Variants in RICTOR observed in about 807,000 individuals in gnomAD.
RICTOR encodes rapamycin-insensitive companion of mTOR.
Under a neutral mutation model 214.9 loss-of-function variants are expected in RICTOR, and 49 were observed. The observed-to-expected ratio is 0.23, with a 90% CI of 0.18 to 0.29. RICTOR has a LOEUF of 0.29. Ranked by LOEUF, RICTOR falls within the 10% of genes least tolerant of loss-of-function variation. RICTOR has a pLI of 1.00. For synonymous variants in RICTOR, 717 were observed against 711.3 expected, an observed-to-expected ratio of 1.01 and a Z score of -0.13; for missense variants, 1,625 against 2,047.0, an observed-to-expected ratio of 0.79 and a Z score of 3.98.
In RICTOR at chr5:38,941,291, A is replaced by G. The variant is rs1747543086; in HGVS notation, c.*1013T>C. 2 of 231,890 alleles carry G rather than the reference A, an allele frequency of 8.6e-6. No individual in the cohort carries two copies. The highest frequency in any genetic ancestry group is 1.1e-4 in the Admixed American group (2 of 17,670). The allele number at this position is 231,890 out of a possible 1,614,324, so 14.4% of individuals were successfully genotyped here. On this transcript the variant is annotated 3_prime_UTR_variant, in exon 38 of 38. Coordinates refer to ENST00000357387, the MANE Select transcript of RICTOR (RefSeq NM_152756.5). ...TAAAATTTGGTACTTAAGGCTTTTCACTACAATTTTTCTCAATAACAAGCT... is the reference window on the plus strand; with the variant it reads ...TAAAATTTGGTACTTAAGGCTTTTCGCTACAATTTTTCTCAATAACAAGCT...
rs529002979 is a variant in RICTOR at position 38,971,642 on chromosome 5, A to G, written c.972+235T>C. On this transcript the variant is annotated intron_variant, in intron 11 of 37. Transcript: ENST00000357387. ...GTGATCCACCCACTTCGGCCTCCCA[A>G]AGTTCTGGGATTACACGCATGAGCC... 2.2e-3 allele frequency: 626 copies of G among 281,624 alleles called. 5 individuals carry two copies. Among genetic ancestry groups the G allele is most frequent in the African/African-American group, 0.013 (579 of 44,606 alleles). 17.4% of individuals were successfully genotyped at this position (281,624 alleles called of 1,614,324 possible).
At chr5:38,961,021 T>C (rs548048110) in intron 19 of RICTOR, among the ~76,000 whole-genome samples, 1 of 152,212 alleles carries the variant, frequency 6.6e-6, no homozygotes, top group South Asian at 2.1e-4. Context: ...TTCTATATTA[T>C]CTGTAGAGGC....
intron 9 of RICTOR, among the ~76,000 whole-genome samples, chr5:38,977,885 G>A (rs1488429633): frequency 6.6e-6 from 1 of 151,790 alleles, no homozygotes; most frequent in Non-Finnish European, 1.5e-5. Context: ...TTTTAACTCA[G>A]GGGAAAAATG....
rs1403377177 is a variant in RICTOR, at chr5:39,018,083, T to G, written c.195+2956A>C. Among the ~76,000 whole-genome samples the G allele has an allele frequency of 4.6e-5, 7 of 152,240 alleles. No individual in the cohort carries two copies. In the East Asian group the frequency reaches 1.4e-3, roughly 29 times the overall value. ...AACGTTATCCCAAAGACCCATTCTGTTTTCTATTTTAGGGTATCTCCTAAA... is the reference window on the plus strand; with the variant it reads ...AACGTTATCCCAAAGACCCATTCTGGTTTCTATTTTAGGGTATCTCCTAAA... On this transcript the variant is annotated intron_variant, in intron 3 of 37. Transcript: ENST00000357387.
rs1054510971 is a variant in RICTOR, at chr5:38,958,362, T to C, written c.2420+81A>G. 12 of 867,912 alleles carry C rather than the reference T, an allele frequency of 1.4e-5. No homozygotes were observed. In the East Asian group the frequency reaches 1.5e-4, roughly 11 times the overall value. 53.8% of individuals were successfully genotyped at this position (867,912 alleles called of 1,614,324 possible). Reference sequence around the variant, plus strand: ...GGTAAACTCTTCAGCGTACTTCCCATTTGGATTTGAATCTATCTTTAATAT... The same window carrying C: ...GGTAAACTCTTCAGCGTACTTCCCACTTGGATTTGAATCTATCTTTAATAT... On this transcript the variant is annotated intron_variant, in intron 24 of 37. Coordinates refer to ENST00000357387, the MANE Select transcript of RICTOR (RefSeq NM_152756.5).
chr5:38,952,467 C>G, intron 29 of RICTOR, 42 bp from the exon 30 acceptor site: 1 of 1,335,938 alleles, frequency 7.5e-7, no homozygotes, highest in Non-Finnish European at 1.1e-6. Flanking sequence ...TAATTCCAAG[C>G]TGAGATTTCT....
Position 38,966,802 on chromosome 5 carries a change from T to A in RICTOR, c.1219-81A>T, listed in dbSNP as rs571508799. The A allele has an allele frequency of 9.6e-4, 342 of 356,228 alleles. 2 individuals are homozygous for A. The African/African-American group carries it at 0.031, about 32-fold the overall frequency. The allele number at this position is 356,228 out of a possible 1,614,324, so 22.1% of individuals were successfully genotyped here. ...TATGCATCAGATTTATTTTTCAAAA[T>A]TTTTTTTTTTTTTTTAAGACAAGAG... On this transcript the variant is annotated intron_variant, in intron 14 of 37. Coordinates refer to ENST00000357387, the MANE Select transcript of RICTOR (RefSeq NM_152756.5).
chr5:39,066,599 T>C (rs567412656), intron 2 of RICTOR, among the ~76,000 whole-genome samples: 1 of 152,362 alleles, frequency 6.6e-6, no homozygotes, highest in African/African-American at 2.4e-5. Flanking sequence ...TTCCCAAACC[T>C]TTATGCAGTG....
chr5:39,056,510 C>T (rs1206409784), intron 2 of RICTOR, among the ~76,000 whole-genome samples: 1 of 152,002 alleles, frequency 6.6e-6, no homozygotes, highest in Non-Finnish European at 1.5e-5. Flanking sequence ...GTGGCGTGTG[C>T]CTGTACTCCC....
intron 2 of RICTOR, among the ~76,000 whole-genome samples, chr5:39,032,386 T>C (rs1756337537): frequency 6.6e-6 from 1 of 152,190 alleles, no homozygotes; most frequent in African/African-American, 2.4e-5. Flanking sequence ...GAAAAACCTG[T>C]CAATCAATTA....
chr5:39,059,199 C>A (rs540095544), intron 2 of RICTOR, among the ~76,000 whole-genome samples: 1 of 152,258 alleles, frequency 6.6e-6, no homozygotes, highest in African/African-American at 2.4e-5. Flanking sequence ...AAGGCAGATA[C>A]AACAGAGCAT....
chr5:39,022,351 C>A, intron 2 of RICTOR: 1 of 152,982 alleles, frequency 6.5e-6, no homozygotes, highest in South Asian at 2.0e-4. Context: ...GGGAACAGAG[C>A]AATTACTTGA....
At chr5:38,967,296 G>T (rs1750318094) in intron 13 of RICTOR, 41 bp downstream of exon 13, 15 of 1,595,474 alleles carry the variant, frequency 9.4e-6, no homozygotes, top group African/African-American at 1.3e-5. Context: ...ATAAAAACCC[G>T]AATTCTAATA....
intron 2 of RICTOR, among the ~76,000 whole-genome samples, chr5:39,073,065 AAC>A (rs1211673846): frequency 6.6e-6 from 1 of 152,250 alleles, no homozygotes; most frequent in Non-Finnish European, 1.5e-5. Context: ...TACTGTAGAT[AAC>A]AGTCATTACG....
intron 6 of RICTOR, among the ~76,000 whole-genome samples, chr5:38,991,307 A>G (rs1752757481): frequency 6.6e-6 from 1 of 151,892 alleles, no homozygotes; most frequent in Non-Finnish European, 1.5e-5. Flanking sequence ...CTAACAGTAC[A>G]GACTATAAAT....
chr5:39,017,456 AT>A (rs1755048655), intron 3 of RICTOR, among the ~76,000 whole-genome samples: 1 of 152,232 alleles, frequency 6.6e-6, no homozygotes, highest in East Asian at 1.9e-4. Context: ...GAAGATTTTC[AT>A]TACATTCACT....
intron 2 of RICTOR, among the ~76,000 whole-genome samples, chr5:39,071,667 C>A (rs1200157729): frequency 6.6e-6 from 1 of 152,186 alleles, no homozygotes; most frequent in Non-Finnish European, 1.5e-5. Context: ...AGGTTACAAT[C>A]CAGAATGATT....
At chr5:38,996,729 A>C (rs1753204902) in intron 6 of RICTOR, 90 bp downstream of exon 6, 1 of 749,254 alleles carries the variant, frequency 1.3e-6, no homozygotes, top group Non-Finnish European at 2.3e-6. Flanking sequence ...CTTTAATCTT[A>C]ATAAAGATTT....
At chr5:39,002,706 G>A (rs2150105974) in intron 4 of RICTOR, 40 bp from the exon 5 acceptor site, 1 of 1,561,382 alleles carries the variant, frequency 6.4e-7, no homozygotes, top group East Asian at 2.3e-5. Context: ...TGCTGCACAG[G>A]TTTCAAATAC....
Sources: allele counts gnomAD v4.1 joint callset (sites outside exome capture counted in the v4.1 genomes callset), GRCh38; gene constraint gnomAD v4.1.1; transcripts MANE v1.5; gene names NCBI Gene and HGNC (gene_info 2026-07-23, HGNC 2026-07-21).